The following DNAH1 variants were observed in gnomAD, a reference collection of about 807,000 sequenced individuals.
DNAH1 encodes dynein axonemal heavy chain 1, also known as axonemal beta dynein heavy chain 1.
Under a neutral mutation model 484.3 loss-of-function variants are expected in DNAH1, and 327 were observed. The ratio of observed to expected loss-of-function variants is 0.68; its 90% confidence interval spans 0.62 to 0.74. The LOEUF is 0.74. Among genes scored for constraint, DNAH1 ranks in the 30% least tolerant of loss-of-function variants. The pLI, the probability that DNAH1 is intolerant of heterozygous loss-of-function variation, is 0.00. For synonymous variants in DNAH1, 2,192 were observed against 2,191.9 expected (o/e 1.00, Z 0.00); for missense variants, 5,052 against 5,546.8 (o/e 0.91, Z 2.83).
chr3:52,383,789 G>A lies in DNAH1; in HGVS notation c.8151-71G>A, dbSNP rs1703970234. The A allele has an allele frequency of 6.0e-6, 9 of 1,497,484 alleles. No homozygotes were observed. The Admixed American group carries it at 2.0e-4, about 34-fold the overall frequency. 92.8% of individuals were successfully genotyped at this position (1,497,484 alleles called of 1,614,324 possible). A position where few individuals can be genotyped will look rare whatever the true frequency, so the allele number is the denominator to read the frequency against. On this transcript the variant is annotated intron_variant, in intron 51 of 77. Coordinates refer to ENST00000420323, the MANE Select transcript of DNAH1 (RefSeq NM_015512.5). ...TGCCATGCCACAGGGCTGTGCAAGG[G>A]CCCTGGGTCCTGGGCTCCTGGGGTC...
Position 52,358,650 on chromosome 3 carries a change from C to T in DNAH1, c.4179C>T (p.Asn1393=), listed in dbSNP as rs373407673. 1.5e-4 allele frequency: 244 copies of T among 1,613,116 alleles called. No homozygotes were observed. Among genetic ancestry groups the T allele is most frequent in the Non-Finnish European group, 1.9e-4 (219 of 1,179,746 alleles). The change falls in exon 25 of 78, where the codon AAC becomes AAT. Residue 1393 remains asparagine, a synonymous_variant. Transcript: ENST00000420323. This position sits in a 1 kb window ranked among gnomAD's most constrained non-coding sequence, Gnocchi z 4.2. ...GCTTCTCCATCTACCCCTCCAGCAA[C>T]GTGGAGGACTGGCTGCGGGAGGTGG... ...QLCFSIYPSS[N]VEDWLREVER...
chr3:52,327,023 C>G, intron 5 of DNAH1, 132 bp downstream of exon 5: 1 of 1,254,048 alleles, frequency 8.0e-7, no homozygotes. Flanking sequence ...CAGGGCAGGT[C>G]AACAATAGGA....
chr3:52,375,118 A>C (rs1019496111), intron 44 of DNAH1, 122 bp from the exon 45 acceptor site: 2 of 1,143,610 alleles, frequency 1.7e-6, no homozygotes, highest in East Asian at 2.6e-5. Flanking sequence ...ATATTGATGT[A>C]TTTGTCTTTA....
chr3:52,359,275 G>C lies in DNAH1; in HGVS notation c.4296G>C (p.Trp1432Cys). 6.4e-7 allele frequency: 1 copy of C among 1,568,468 alleles called. No individual in the cohort carries two copies. Among genetic ancestry groups the C allele is most frequent in the Non-Finnish European group, 8.7e-7 (1 of 1,155,952 alleles). The change falls in exon 26 of 78, where the codon TGG becomes TGC. Residue 1432 changes from tryptophan (W) to cysteine (C), a missense_variant. By Grantham distance (215) the Trp-to-Cys change is radical. Around this residue, in one of 4 missense-constraint regions of DNAH1, gnomAD observed 2,929 missense variants for 3,409.4 expected, o/e 0.86. Transcript: ENST00000420323. Reference protein sequence around the residue: ...TMPRTQWVLNWPGQVTIAGCQ... With the variant: ...TMPRTQWVLNCPGQVTIAGCQ... ...CCAGGACCCAGTGGGTTCTGAACTG[G>C]CCTGGCCAGGTGACCATCGCTGGGT...
chr3:52,352,605 CG>C lies in DNAH1; in HGVS notation c.2926del (p.Ala976ProfsTer11). 6.2e-7 allele frequency: 1 copy of C among 1,612,838 alleles called. No individual in the cohort carries two copies. Among genetic ancestry groups the C allele is most frequent in the Non-Finnish European group, 8.5e-7 (1 of 1,179,646 alleles). ...HVEISRAHEI[A>X]NEVRRVKKQL... ...TGGAGATTTCACGTGCACACGAGAT[CG>C]CCAACGAGGTGCGGCGTGTCAAGAA... On this transcript the variant is annotated frameshift_variant, in exon 18 of 78. Transcript: ENST00000420323. LOFTEE classifies it high-confidence loss of function.
At position 52,392,934 on chromosome 3, in the gene DNAH1, C is replaced by T. The variant is rs774787337; in HGVS notation, c.10383C>T (p.Ser3461=). 24 of 1,613,408 alleles carry T rather than the reference C, an allele frequency of 1.5e-5. No homozygotes were observed. Among genetic ancestry groups the T allele is most frequent in the Middle Eastern group, 3.3e-4 (2 of 6,084 alleles). ...CCCAGATCCTCTTCTTCTGTGTGTC[C>T]GACCTGGCCAACGTGGACCCCATGT... ...IRTQILFFCV[S]DLANVDPMYQ... The change falls in exon 65 of 78, where the codon TCC becomes TCT. Residue 3461 remains serine (S), a synonymous_variant. Transcript: ENST00000420323.
chr3:52,388,620 T>C lies in DNAH1; in HGVS notation c.9363+11T>C, dbSNP rs1704221076. 2 of 1,611,922 alleles carry C rather than the reference T, an allele frequency of 1.2e-6. No homozygotes were observed. The highest frequency in any genetic ancestry group is 1.7e-6 in the Non-Finnish European group (2 of 1,179,590). ...GGCCGAGCTGGCAAGGTGCGCACCC[T>C]CCTCCTGCAAGGCCTGCAAGCGGGC... On this transcript the variant is annotated intron_variant, in intron 58 of 77. Transcript: ENST00000420323.
chr3:52,331,774 A>G (rs191351353), intron 7 of DNAH1, among the ~76,000 whole-genome samples: 19 of 151,940 alleles, frequency 1.3e-4, no homozygotes, highest in Admixed American at 2.6e-4. Flanking sequence ...ACAGGTGCCC[A>G]CGACCACACC....
In DNAH1 at chr3:52,398,071, C is replaced by T. The variant is rs772390925; in HGVS notation, c.11998C>T (p.Pro4000Ser). 56 of 1,613,824 alleles carry T rather than the reference C, an allele frequency of 3.5e-5. No homozygotes were observed. Among genetic ancestry groups the T allele is most frequent in the Non-Finnish European group, 4.7e-5 (56 of 1,179,890 alleles). The stretch of plus-strand genomic sequence containing the variant: ...CACCCAAAACATTCTGCTCAAGGTG[C>T]CTGAGCCTATCAACTTGCAATGGGT... The part of the protein sequence containing the change: ...DVTQNILLKV[P>S]EPINLQWVMA... The change falls in exon 75 of 78, where the codon CCT (proline) becomes TCT (serine). Residue 4000 changes from proline (P) to serine (S), a missense_variant. Physicochemically the swap from Pro to Ser is moderately conservative, Grantham distance 74. Coordinates refer to ENST00000420323, the MANE Select transcript of DNAH1 (RefSeq NM_015512.5).
chr3:52,385,949 A>G (rs1704085799), intron 54 of DNAH1, among the ~76,000 whole-genome samples: 1 of 152,208 alleles, frequency 6.6e-6, no homozygotes, highest in African/African-American at 2.4e-5. Context: ...GGGCACTTAC[A>G]TCCAAACTTG....
At chr3:52,384,998 G>A (rs1457453830) in intron 53 of DNAH1, 21 bp downstream of exon 53, 16 of 1,602,032 alleles carry the variant, frequency 1.0e-5, no homozygotes, top group Non-Finnish European at 1.2e-5. Context: ...GCGAGTCCCC[G>A]TGGACAAGGT....
At chr3:52,349,841 G>A in intron 14 of DNAH1, 148 bp from the exon 15 acceptor site, 3 of 1,203,296 alleles carry the variant, frequency 2.5e-6, no homozygotes, top group Non-Finnish European at 3.4e-6. Context: ...AGCCCACCAG[G>A]AGCACCCCTC....
In DNAH1 at chr3:52,355,384, C is replaced by T. The variant is rs970092186; in HGVS notation, c.3693+329C>T. On this transcript the variant is annotated intron_variant, in intron 21 of 77. Transcript: ENST00000420323. This position sits in a 1 kb window ranked among gnomAD's most constrained non-coding sequence, Gnocchi z 4.5. ...TGCCTGAGCTTGGGACAACCAGGTCCTCCAGTACTGACACTTTCTGGGCCG... is the reference window on the plus strand; with the variant it reads ...TGCCTGAGCTTGGGACAACCAGGTCTTCCAGTACTGACACTTTCTGGGCCG... 6.6e-6 allele frequency among the ~76,000 whole-genome samples: 1 copy of T among 152,246 alleles called. No individual in the cohort carries two copies. The highest frequency in any genetic ancestry group is 2.4e-5 in the African/African-American group (1 of 41,470).
chr3:52,373,271 G>A (rs1033866262), intron 44 of DNAH1, among the ~76,000 whole-genome samples: 1 of 152,158 alleles, frequency 6.6e-6, no homozygotes, highest in African/African-American at 2.4e-5. Flanking sequence ...AAAAGGGGAA[G>A]CGAGAGCAAG....
chr3:52,377,842 G>A (rs1703670547), intron 46 of DNAH1, among the ~76,000 whole-genome samples: 1 of 151,806 alleles, frequency 6.6e-6, no homozygotes, highest in Admixed American at 6.6e-5. Context: ...CTCTCCTGCT[G>A]CAGGGCTGCC....
In DNAH1 at chr3:52,367,009, G is replaced by A. The variant is rs1051488169; in HGVS notation, c.5765+122G>A. Reference sequence around the variant, plus strand: ...GCCGGGCTCTGCAGCCCAACGCTTGGGATTCTATTCTCCATTCTACTTCCT... The same window carrying A: ...GCCGGGCTCTGCAGCCCAACGCTTGAGATTCTATTCTCCATTCTACTTCCT... On this transcript the variant is annotated intron_variant, in intron 36 of 77. Transcript: ENST00000420323. The A allele has an allele frequency of 4.0e-6, 5 of 1,235,840 alleles. No homozygotes were observed. In the African/African-American group the frequency reaches 4.5e-5, roughly 11 times the overall value. 76.6% of individuals were successfully genotyped at this position (1,235,840 alleles called of 1,614,324 possible). A position where few individuals can be genotyped will look rare whatever the true frequency, so the allele number is the denominator to read the frequency against.
In DNAH1 at chr3:52,326,223, A is replaced by G. The variant is rs754602688; in HGVS notation, c.490A>G (p.Thr164Ala). Reference protein sequence around the residue: ...IGSTTRLLAQTDFPLQAYEPK... With the variant: ...IGSTTRLLAQADFPLQAYEPK... ...GTCCACCACCCGGCTGCTCGCCCAG[A>G]CTGACTTCCCACTGCAGGCCTACGA... Residue 164 changes from threonine (T) to alanine (A), a missense_variant, in exon 4 of 78, where the codon ACT (threonine) becomes GCT (alanine). Thr to Ala is a moderately conservative substitution (Grantham distance 58). Coordinates refer to ENST00000420323, the MANE Select transcript of DNAH1 (RefSeq NM_015512.5). 6.2e-7 allele frequency: 1 copy of G among 1,613,306 alleles called. No homozygotes were observed. Among genetic ancestry groups the G allele is most frequent in the Non-Finnish European group, 8.5e-7 (1 of 1,179,704 alleles).
At chr3:52,360,179 A>T (rs1030288798) in intron 27 of DNAH1, 100 bp downstream of exon 27, 20 of 1,562,034 alleles carry the variant, frequency 1.3e-5, no homozygotes, top group Non-Finnish European at 1.7e-5. Flanking sequence ...TCTGTCCTTG[A>T]GGTTCTGGGA....
rs369984253 is a variant in DNAH1 at position 52,359,988 on chromosome 3, G to A, written c.4480G>A (p.Val1494Ile). The A allele has an allele frequency of 5.6e-6, 9 of 1,613,926 alleles. No homozygotes were observed. The highest frequency in any genetic ancestry group is 5.1e-6 in the Non-Finnish European group (6 of 1,179,894). Residue 1494 changes from valine to isoleucine, a missense_variant, in exon 27 of 78, where the codon GTC becomes ATC. Around this residue, in one of 4 missense-constraint regions of DNAH1, gnomAD observed 2,929 missense variants for 3,409.4 expected, o/e 0.86. Coordinates refer to ENST00000420323, the MANE Select transcript of DNAH1 (RefSeq NM_015512.5). ...GCGGGCAGTGCTGTCAGCGCTAATC[G>A]TCATTGAGGTCCATGCCAAGGACGT... ...MQRAVLSALI[V>I]IEVHAKDVVS...
Sources: allele counts gnomAD v4.1 joint callset (sites outside exome capture counted in the v4.1 genomes callset), GRCh38; gene constraint gnomAD v4.1.1; regional missense constraint gnomAD v4.1.1; non-coding constraint Gnocchi (gnomAD v3.1); transcripts MANE v1.5; gene names NCBI Gene and HGNC (gene_info 2026-07-23, HGNC 2026-07-21).